The following NAALADL2 variants were observed in gnomAD, a reference collection of about 807,000 sequenced individuals.
The protein encoded by NAALADL2 is inactive N-acetylated-alpha-linked acidic dipeptidase-like protein 2.
NAALADL2 carries 76 observed loss-of-function variants against 87.2 expected under a neutral mutation model. The ratio of observed to expected loss-of-function variants is 0.87; its 90% CI spans 0.72 to 1.05. The LOEUF is 1.05. Ranked by LOEUF, NAALADL2 falls within the 50% of genes least tolerant of loss-of-function variation. NAALADL2 has a pLI of 0.00. For synonymous variants in NAALADL2, 354 were observed against 331.0 expected, an observed-to-expected ratio of 1.07 and a Z score of -0.75; for missense variants, 1,089 against 945.8, an observed-to-expected ratio of 1.15 and a Z score of -1.99.
At chr3:175,717,345 A>G (rs1040742997) in intron 11 of NAALADL2, among the ~76,000 whole-genome samples, 1 of 152,108 alleles carries the variant, frequency 6.6e-6, no homozygotes, top group African/African-American at 2.4e-5. Flanking sequence ...TCCTCTAAGA[A>G]CGATTCAGCC....
chr3:175,172,686 A>G (rs1014619857), intron 2 of NAALADL2, among the ~76,000 whole-genome samples: 5 of 152,284 alleles, frequency 3.3e-5, no homozygotes, highest in African/African-American at 1.2e-4. Flanking sequence ...CTAGGTGGTA[A>G]GATACTAATT....
intron 5 of NAALADL2, among the ~76,000 whole-genome samples, chr3:175,442,028 G>A (rs1412891740): frequency 4.6e-5 from 7 of 151,900 alleles, no homozygotes; most frequent in Non-Finnish European, 7.4e-5. Context: ...TGCAACTTCC[G>A]CCTCCCAGAT....
intron 1 of NAALADL2, among the ~76,000 whole-genome samples, chr3:175,007,044 A>G (rs1749127944): frequency 6.6e-6 from 1 of 151,378 alleles, no homozygotes; most frequent in South Asian, 2.1e-4. Flanking sequence ...ATAGAAAACT[A>G]GATTCTAAAG....
At chr3:175,426,760 C>T (rs1379478399) in intron 5 of NAALADL2, among the ~76,000 whole-genome samples, 1 of 152,112 alleles carries the variant, frequency 6.6e-6, no homozygotes, top group Non-Finnish European at 1.5e-5. Flanking sequence ...TTGTACTCAA[C>T]TTCACAGCTT....
At chr3:174,643,387 C>T (rs1723451850) in intron 2 of NAALADL2, among the ~76,000 whole-genome samples, 1 of 152,180 alleles carries the variant, frequency 6.6e-6, no homozygotes, top group South Asian at 2.1e-4. Flanking sequence ...GGTGCAGTGG[C>T]TCATGCTTGT....
intron 1 of NAALADL2, among the ~76,000 whole-genome samples, chr3:175,071,095 G>T (rs1164053961): frequency 1.3e-5 from 2 of 152,044 alleles, no homozygotes; most frequent in Non-Finnish European, 2.9e-5. Flanking sequence ...AGCCAGTTAG[G>T]TCCCTTGAGT....
At chr3:175,676,371 A>T (rs1734781949) in intron 11 of NAALADL2, 1 of 152,190 alleles carries the variant, frequency 6.6e-6, no homozygotes, top group Admixed American at 6.5e-5. Context: ...GATGGCAGAT[A>T]GTAAGTAGGA....
chr3:174,602,154 T>G (rs1010372682), intron 2 of NAALADL2, among the ~76,000 whole-genome samples: 2 of 152,138 alleles, frequency 1.3e-5, no homozygotes, highest in African/African-American at 4.8e-5. Flanking sequence ...TCTATTTCCA[T>G]GCAGAATTTC....
intron 13 of NAALADL2, among the ~76,000 whole-genome samples, chr3:175,787,621 T>C (rs935977536): frequency 2.6e-5 from 4 of 152,134 alleles, no homozygotes; most frequent in African/African-American, 4.8e-5. Flanking sequence ...TGGCGCTCCC[T>C]AGTGAGATGA....
Position 175,414,497 on chromosome 3 carries a change from C to A in NAALADL2, c.1091-32732C>A, listed in dbSNP as rs895421235. ...AATGTTTTGCTTTTGTTTTTCTGAA[C>A]AACAAACTTATTCATCTCTTTCAAT... On this transcript the variant is annotated intron_variant, in intron 5 of 13. Transcript: ENST00000454872. Among the ~76,000 whole-genome samples, 3 of 145,134 alleles carry A rather than the reference C, an allele frequency of 2.1e-5. No homozygotes were observed. In the Admixed American group the frequency reaches 2.2e-4, roughly 10 times the overall value.
At chr3:174,622,593 T>C (rs1199467213) in intron 2 of NAALADL2, among the ~76,000 whole-genome samples, 1 of 152,150 alleles carries the variant, frequency 6.6e-6, no homozygotes, top group African/African-American at 2.4e-5. Context: ...AGCACAACCG[T>C]CAATTAATGC....
chr3:174,566,684 A>G (rs572271440), intron 2 of NAALADL2, among the ~76,000 whole-genome samples: 443 of 151,252 alleles, frequency 2.9e-3, no homozygotes, highest in Non-Finnish European at 3.3e-3. Flanking sequence ...TGCTCCAACT[A>G]CTTAATTTCT....
At chr3:175,086,607 C>A (rs1406018980) in intron 1 of NAALADL2, among the ~76,000 whole-genome samples, 3 of 152,080 alleles carry the variant, frequency 2.0e-5, no homozygotes, top group Non-Finnish European at 2.9e-5. Flanking sequence ...GCGGCTCTTA[C>A]ATTTTCATGC....
intron 9 of NAALADL2, among the ~76,000 whole-genome samples, chr3:175,543,800 A>C (rs1429330995): frequency 2.0e-5 from 3 of 152,218 alleles, no homozygotes; most frequent in Admixed American, 6.5e-5. Context: ...CCAGATAATT[A>C]ATGGTAAGAT....
At chr3:175,688,170 T>C (rs114859265) in intron 11 of NAALADL2, among the ~76,000 whole-genome samples, 1 of 152,092 alleles carries the variant, frequency 6.6e-6, no homozygotes, top group South Asian at 2.1e-4. Context: ...GAAATGACAT[T>C]ATTACAATGA....
In NAALADL2 at chr3:175,803,770, T is replaced by A. The variant is rs1754461496; in HGVS notation, c.*567T>A. ...ACTAGATGTAGTAATACACTGGTTATGAAATTGTATTTTTTTAAGTATTAA... is the reference window on the plus strand; with the variant it reads ...ACTAGATGTAGTAATACACTGGTTAAGAAATTGTATTTTTTTAAGTATTAA... On this transcript the variant is annotated 3_prime_UTR_variant, in exon 14 of 14. Coordinates refer to ENST00000454872, the MANE Select transcript of NAALADL2 (RefSeq NM_207015.3). 1.3e-5 allele frequency: 2 copies of A among 152,458 alleles called. No individual in the cohort carries two copies. Among genetic ancestry groups the A allele is most frequent in the Non-Finnish European group, 2.9e-5 (2 of 67,940 alleles). The allele number at this position is 152,458 out of a possible 1,614,324, so 9.4% of individuals were successfully genotyped here. A position where few individuals can be genotyped will look rare whatever the true frequency, so the allele number is the denominator to read the frequency against.
At chr3:174,961,551 A>T (rs1212401573) in intron 1 of NAALADL2, among the ~76,000 whole-genome samples, 1 of 152,054 alleles carries the variant, frequency 6.6e-6, no homozygotes, top group Non-Finnish European at 1.5e-5. Context: ...GGATATTTGA[A>T]CTAGAGGAGA....
chr3:174,940,632 C>T (rs1052227584), intron 1 of NAALADL2, among the ~76,000 whole-genome samples: 1 of 151,934 alleles, frequency 6.6e-6, no homozygotes, highest in African/African-American at 2.4e-5. Flanking sequence ...AGCTGTGAGT[C>T]CATCAGGTTC....
intron 1 of NAALADL2, among the ~76,000 whole-genome samples, chr3:175,069,907 C>T (rs1224718328): frequency 6.9e-6 from 1 of 145,498 alleles, no homozygotes; most frequent in African/African-American, 2.5e-5. Flanking sequence ...TAAACTATCG[C>T]AAGAACAAAA....
Sources: allele counts gnomAD v4.1 joint callset (sites outside exome capture counted in the v4.1 genomes callset), GRCh38; gene constraint gnomAD v4.1.1; transcripts MANE v1.5; gene names NCBI Gene and HGNC (gene_info 2026-07-23, HGNC 2026-07-21).